The following CACNA1C variants were observed in gnomAD, a reference collection of about 807,000 sequenced individuals.
CACNA1C encodes calcium voltage-gated channel subunit alpha1 C.
Under a neutral mutation model 229.0 loss-of-function variants are expected in CACNA1C, and 30 were observed. The ratio of observed to expected loss-of-function variants is 0.13; its 90% confidence interval spans 0.10 to 0.18. The LOEUF is 0.18. Ranked by LOEUF, CACNA1C falls within the 10% of genes least tolerant of loss-of-function variation. The probability of loss-of-function intolerance (pLI) is 1.00; values close to 1 mark genes in which losing one functional copy is unlikely to be tolerated. For missense variants in CACNA1C, 1,658 were observed against 2,845.0 expected, an observed-to-expected ratio of 0.58 and a Z score of 9.49; for synonymous variants, 1,114 against 1,132.5, an observed-to-expected ratio of 0.98 and a Z score of 0.33.
At chr12:2,401,793 A>G (rs769456995) in intron 3 of CACNA1C, among the ~76,000 whole-genome samples, 1 of 152,260 alleles carries the variant, frequency 6.6e-6, no homozygotes, top group Non-Finnish European at 1.5e-5. Context: ...GCTAGTAAGC[A>G]CTGAATGTTG....
At position 2,595,613 on chromosome 12, in the gene CACNA1C, G is replaced by A. The variant is rs1242500672; in HGVS notation, c.2664-261G>A. 6.6e-6 allele frequency among the ~76,000 whole-genome samples: 1 copy of A among 152,156 alleles called. No individual in the cohort carries two copies. The highest frequency in any genetic ancestry group is 1.5e-5 in the Non-Finnish European group (1 of 68,044). On this transcript the variant is annotated intron_variant, in intron 19 of 46. Coordinates refer to ENST00000399655, the MANE Select transcript of CACNA1C (RefSeq NM_000719.7). The surrounding 1 kb of genome is among the most constrained non-coding windows in gnomAD (Gnocchi z 4.1). ...ACAAAAGCCAGTTATGAATGTCAGA[G>A]CAGGATTTGGGAATTCAGAGATTCT...
chr12:2,136,268 C>T (rs957277685), intron 3 of CACNA1C, among the ~76,000 whole-genome samples: 24 of 151,416 alleles, frequency 1.6e-4, no homozygotes, highest in Admixed American at 6.6e-5. Context: ...GCGTCGGTCA[C>T]GCTGAGAGCT....
intron 30 of CACNA1C, among the ~76,000 whole-genome samples, chr12:2,636,317 G>T (rs2092671842): frequency 6.6e-6 from 1 of 152,128 alleles, no homozygotes; most frequent in Admixed American, 6.6e-5. Context: ...AGTCACCAAG[G>T]CCCCATCGCT....
At chr12:2,572,852 TTCC>T (rs1400336698) in intron 13 of CACNA1C, among the ~76,000 whole-genome samples, 76 of 96,498 alleles carry the variant, frequency 7.9e-4, no homozygotes, top group Non-Finnish European at 1.1e-3. Flanking sequence ...CCTCCTCCTC[TTCC>T]TCCTCCTCCT....
chr12:2,415,661 T>TGACCGTCAGTGGC (rs998488464), intron 3 of CACNA1C, among the ~76,000 whole-genome samples: 2 of 152,162 alleles, frequency 1.3e-5, no homozygotes, highest in African/African-American at 4.8e-5. Context: ...CGGACAGTGG[T>TGACCGTCAGTGGC]GACCGTCAGT....
chr12:2,278,216 A>T (rs147352322), intron 3 of CACNA1C, among the ~76,000 whole-genome samples: 1 of 152,220 alleles, frequency 6.6e-6, no homozygotes, highest in Non-Finnish European at 1.5e-5. Flanking sequence ...CATACATAAG[A>T]TTCACCCACT....
intron 32 of CACNA1C, among the ~76,000 whole-genome samples, chr12:2,652,914 G>A (rs377570162): frequency 6.6e-6 from 1 of 152,248 alleles, no homozygotes; most frequent in East Asian, 1.9e-4. Flanking sequence ...ATCTCCTGGG[G>A]CTGGGAAGAG....
chr12:2,126,085 T>G (rs1425981642), intron 3 of CACNA1C, among the ~76,000 whole-genome samples: 1 of 152,270 alleles, frequency 6.6e-6, no homozygotes, highest in Non-Finnish European at 1.5e-5. Flanking sequence ...TTTGCTTTCT[T>G]CTGTTTCCAA....
chr12:2,461,279 TG>T (rs2099499631), intron 5 of CACNA1C, among the ~76,000 whole-genome samples: 2 of 152,230 alleles, frequency 1.3e-5, no homozygotes, highest in Admixed American at 6.5e-5. Context: ...GATCGCTCCT[TG>T]TCTTTGAACC....
At chr12:2,211,962 C>G (rs1050524560) in intron 3 of CACNA1C, among the ~76,000 whole-genome samples, 17 of 151,886 alleles carry the variant, frequency 1.1e-4, no homozygotes, top group Non-Finnish European at 1.5e-5. Context: ...CTCAGGTGAT[C>G]CACCCGCCTC....
At chr12:2,615,001 C>G (rs965831280) in intron 29 of CACNA1C, 11 of 151,628 alleles carry the variant, frequency 7.3e-5, no homozygotes, top group Non-Finnish European at 1.5e-4. Context: ...CACAAAGAAA[C>G]TAGGAATCAA....
chr12:1,971,101 C>T lies in CACNA1C; in HGVS notation c.39C>T (p.Tyr13=). Residue 13 remains tyrosine (Y), a synonymous_variant, in exon 1 of 47, where the codon TAC becomes TAT. Transcript: ENST00000682462. The surrounding 1 kb of genome is among the most constrained non-coding windows in gnomAD (Gnocchi z 4.2). The stretch of plus-strand genomic sequence containing the variant: ...TTGTTCAGCCTGGTACGCCTGCATA[C>T]CAGCCGCTTCCCAGCCACCTGTCTG... 7.8e-6 allele frequency: 10 copies of T among 1,289,368 alleles called. No individual in the cohort carries two copies. The highest frequency in any genetic ancestry group is 1.0e-5 in the Non-Finnish European group (10 of 988,480). The allele number at this position is 1,289,368 out of a possible 1,614,324, so 79.9% of individuals were successfully genotyped here.
At chr12:2,104,505 G>A (rs1169835460) in intron 1 of CACNA1C, among the ~76,000 whole-genome samples, 2 of 152,190 alleles carry the variant, frequency 1.3e-5, no homozygotes, top group Non-Finnish European at 2.9e-5. Context: ...ATATAATCAT[G>A]TTATCTGCAA....
chr12:2,565,316 A>T (rs937818977), intron 11 of CACNA1C, among the ~76,000 whole-genome samples: 9 of 149,904 alleles, frequency 6.0e-5, no homozygotes, highest in African/African-American at 2.2e-4. Context: ...AAATACAAAA[A>T]ATTAGCCGGG....
intron 1 of CACNA1C, among the ~76,000 whole-genome samples, chr12:1,983,796 T>C (rs1472940729): frequency 6.6e-6 from 1 of 152,010 alleles, no homozygotes; most frequent in African/African-American, 2.4e-5. Flanking sequence ...TCTTGCTCTA[T>C]TGATTGTAGA....
At chr12:2,547,421 C>T (rs779119580) in intron 9 of CACNA1C, 22 of 779,202 alleles carry the variant, frequency 2.8e-5, no homozygotes, top group South Asian at 2.8e-4. Context: ...GTTCCTGGTT[C>T]TTGACACTGA....
chr12:2,053,105 T>G lies in CACNA1C; in HGVS notation c.-458T>G, dbSNP rs1325770030. The stretch of plus-strand genomic sequence containing the variant: ...GCCTCCGCGCCCAGGAGTTGCCGGC[T>G]CCCTTTGACAGCAGAGAGCCGGGCA... On this transcript the variant is annotated 5_prime_UTR_variant, in exon 1 of 47. Transcript: ENST00000399655. This position sits in a 1 kb window ranked among gnomAD's most constrained non-coding sequence, Gnocchi z 5.8. The G allele has an allele frequency of 9.1e-6, 9 of 984,068 alleles. No individual in the cohort carries two copies. The East Asian group carries it at 1.0e-3, about 114-fold the overall frequency. The allele number at this position is 984,068 out of a possible 1,614,324, so 61.0% of individuals were successfully genotyped here.
intron 5 of CACNA1C, among the ~76,000 whole-genome samples, chr12:2,475,038 G>C (rs572027957): frequency 6.6e-6 from 1 of 152,050 alleles, no homozygotes. Context: ...GGTGGCTCAC[G>C]CTTGTAATCC....
In CACNA1C at chr12:2,691,308, C is replaced by T; in HGVS notation, c.*109C>T. 1 of 1,165,822 alleles carries T rather than the reference C, an allele frequency of 8.6e-7. No individual in the cohort carries two copies. Among genetic ancestry groups the T allele is most frequent in the Non-Finnish European group, 1.1e-6 (1 of 871,452 alleles). The allele number at this position is 1,165,822 out of a possible 1,614,324, so 72.2% of individuals were successfully genotyped here. A position where few individuals can be genotyped will look rare whatever the true frequency, so the allele number is the denominator to read the frequency against. On this transcript the variant is annotated 3_prime_UTR_variant, in exon 47 of 47. Transcript: ENST00000399655. ...GACCTGGAGTTAACCGGAACAGCGT[C>T]TTCATTCATTTCTGTTGGGACCAGA...
Sources: allele counts gnomAD v4.1 joint callset (sites outside exome capture counted in the v4.1 genomes callset), GRCh38; gene constraint gnomAD v4.1.1; non-coding constraint Gnocchi (gnomAD v3.1); transcripts MANE v1.5; gene names NCBI Gene and HGNC (gene_info 2026-07-23, HGNC 2026-07-21).